The following GPC5 variants were observed in gnomAD, a reference collection of about 807,000 sequenced individuals.
The protein encoded by GPC5 is glypican 5, also known as glypican-5.
GPC5 carries 47 observed loss-of-function variants against 53.9 expected under a neutral mutation model. That is an observed-to-expected ratio of 0.87 (90% CI 0.69 to 1.11). The LOEUF (loss-of-function observed/expected upper bound fraction) is 1.11. Among genes scored for constraint, GPC5 ranks in the 50% most tolerant of loss-of-function variants. The pLI is 0.00. For missense variants in GPC5, 748 were observed against 713.1 expected, an observed-to-expected ratio of 1.05 and a Z score of -0.56; for synonymous variants, 286 against 263.3, an observed-to-expected ratio of 1.09 and a Z score of -0.84.
intron 6 of GPC5, among the ~76,000 whole-genome samples, chr13:92,043,082 GA>G (rs1211279985): frequency 3.3e-5 from 5 of 151,880 alleles, no homozygotes; most frequent in Non-Finnish European, 7.4e-5. Flanking sequence ...AGACAGAGAA[GA>G]AAAAACTATG....
intron 7 of GPC5, among the ~76,000 whole-genome samples, chr13:92,826,516 AGAT>A (rs1440831530): frequency 6.6e-6 from 1 of 152,176 alleles, no homozygotes; most frequent in Non-Finnish European, 1.5e-5. Flanking sequence ...ACAAACTGTG[AGAT>A]AATAAACCTG....
intron 5 of GPC5, among the ~76,000 whole-genome samples, chr13:91,904,701 T>C (rs548693681): frequency 7.2e-5 from 11 of 152,074 alleles, no homozygotes; most frequent in Admixed American, 1.3e-4. Context: ...CAAGAGGATT[T>C]TATTAAGGGA....
chr13:92,804,294 A>C lies in GPC5; in HGVS notation c.1562-61988A>C, dbSNP rs552458351. The stretch of plus-strand genomic sequence containing the variant: ...CAGCATCAGTATGTCTGGGTTTGGG[A>C]AAGAACTCTTTCATTTATTGGTTGT... On this transcript the variant is annotated intron_variant, in intron 7 of 7. Coordinates refer to ENST00000377067, the MANE Select transcript of GPC5 (RefSeq NM_004466.6). 4.6e-5 allele frequency among the ~76,000 whole-genome samples: 7 copies of C among 152,052 alleles called. No homozygotes were observed. The East Asian group carries it at 1.4e-3, about 30-fold the overall frequency.
intron 7 of GPC5, among the ~76,000 whole-genome samples, chr13:92,520,960 A>T (rs1881018889): frequency 6.6e-6 from 1 of 152,216 alleles, no homozygotes; most frequent in African/African-American, 2.4e-5. Context: ...ATGTGCAAAA[A>T]TCACAAGCAT....
intron 7 of GPC5, among the ~76,000 whole-genome samples, chr13:92,708,392 C>G (rs958313566): frequency 9.2e-5 from 14 of 152,132 alleles, no homozygotes; most frequent in African/African-American, 3.4e-4. Flanking sequence ...ACTACATACC[C>G]TCTTACTGCC....
At chr13:92,627,906 A>G (rs528239430) in intron 7 of GPC5, among the ~76,000 whole-genome samples, 1 of 152,342 alleles carries the variant, frequency 6.6e-6, no homozygotes, top group South Asian at 2.1e-4. Flanking sequence ...ATTGTAGCCA[A>G]TGGCATATAT....
At chr13:92,641,220 T>A (rs1036419450) in intron 7 of GPC5, among the ~76,000 whole-genome samples, 2 of 152,122 alleles carry the variant, frequency 1.3e-5, no homozygotes, top group African/African-American at 4.8e-5. Flanking sequence ...ACCTCACCAA[T>A]AAGAGGCATG....
intron 7 of GPC5, among the ~76,000 whole-genome samples, chr13:92,734,599 C>CAGTT (rs1489307614): frequency 6.6e-6 from 1 of 151,854 alleles, no homozygotes; most frequent in Non-Finnish European, 1.5e-5. Context: ...TGTATCACTT[C>CAGTT]AGTTATATGC....
chr13:92,792,650 G>T (rs1876506353), intron 7 of GPC5, among the ~76,000 whole-genome samples: 1 of 152,080 alleles, frequency 6.6e-6, no homozygotes, highest in Non-Finnish European at 1.5e-5. Context: ...CCCATCTCAT[G>T]TGCAGACACA....
chr13:92,104,617 C>G (rs1027457457), intron 6 of GPC5, among the ~76,000 whole-genome samples: 3 of 152,102 alleles, frequency 2.0e-5, no homozygotes, highest in Non-Finnish European at 4.4e-5. Context: ...AGAATCTAGT[C>G]TTAGTTGTCA....
intron 2 of GPC5, among the ~76,000 whole-genome samples, chr13:91,465,961 CTG>C (rs1882212285): frequency 6.6e-6 from 1 of 152,164 alleles, no homozygotes; most frequent in Non-Finnish European, 1.5e-5. Context: ...ATTATGAACA[CTG>C]AGATCTCACT....
In GPC5 at chr13:92,780,628, C is replaced by A. The variant is rs541839377; in HGVS notation, c.1562-85654C>A. On this transcript the variant is annotated intron_variant, in intron 7 of 7. Transcript: ENST00000377067. Reference sequence around the variant, plus strand: ...TGAGTCCAGACTTCAGTGTATAATCCAGATCCCAGATTATACCCACTTAGA... The same window carrying A: ...TGAGTCCAGACTTCAGTGTATAATCAAGATCCCAGATTATACCCACTTAGA... 8.6e-5 allele frequency among the ~76,000 whole-genome samples: 13 copies of A among 151,924 alleles called. 1 individual carries two copies. In the South Asian group the frequency reaches 1.9e-3, roughly 22 times the overall value.
Position 91,799,840 on chromosome 13 carries a change from C to A in GPC5, c.1280+43420C>A, listed in dbSNP as rs552048119. 4.5e-3 allele frequency among the ~76,000 whole-genome samples: 683 copies of A among 152,196 alleles called. 4 individuals are homozygous for A. The highest frequency in any genetic ancestry group is 0.016 in the African/African-American group (658 of 41,550). On this transcript the variant is annotated intron_variant, in intron 5 of 7. Coordinates refer to ENST00000377067, the MANE Select transcript of GPC5 (RefSeq NM_004466.6). Reference sequence around the variant, plus strand: ...TATATTTCAGTGTTCTACTGAAAACCAAACACAAACATGAATATTATTGCT... The same window carrying A: ...TATATTTCAGTGTTCTACTGAAAACAAAACACAAACATGAATATTATTGCT...
At chr13:91,967,264 C>G (rs868367049) in intron 6 of GPC5, among the ~76,000 whole-genome samples, 1 of 152,154 alleles carries the variant, frequency 6.6e-6, no homozygotes, top group Non-Finnish European at 1.5e-5. Context: ...TCAATTATCT[C>G]CCACTGGTTC....
At chr13:92,508,050 G>A (rs563098040) in intron 7 of GPC5, among the ~76,000 whole-genome samples, 12 of 152,070 alleles carry the variant, frequency 7.9e-5, no homozygotes, top group African/African-American at 2.2e-4. Context: ...TGCAATCTCC[G>A]CCTCCCAGGT....
intron 7 of GPC5, among the ~76,000 whole-genome samples, chr13:92,478,915 G>A (rs1879248037): frequency 6.6e-6 from 1 of 152,084 alleles, no homozygotes; most frequent in African/African-American, 2.4e-5. Context: ...TGATGGTGCT[G>A]GATTGAAGGC....
At chr13:91,628,928 T>G (rs535719911) in intron 2 of GPC5, among the ~76,000 whole-genome samples, 2 of 152,178 alleles carry the variant, frequency 1.3e-5, no homozygotes, top group South Asian at 4.1e-4. Flanking sequence ...TGTTGAAATA[T>G]ACACTGGGAT....
chr13:91,962,967 A>G (rs78640855), intron 6 of GPC5, among the ~76,000 whole-genome samples: 5,139 of 152,184 alleles, frequency 0.034, 307 homozygotes, highest in African/African-American at 0.12. Flanking sequence ...TCACTATTCC[A>G]TGTGCCTTAT....
intron 1 of GPC5, among the ~76,000 whole-genome samples, chr13:91,439,311 G>T (rs951941461): frequency 5.9e-5 from 9 of 152,216 alleles, no homozygotes; most frequent in Admixed American, 5.9e-4. Context: ...TAAGCATCTT[G>T]CTGGGTTCGA....
Sources: allele counts gnomAD v4.1 joint callset (sites outside exome capture counted in the v4.1 genomes callset), GRCh38; gene constraint gnomAD v4.1.1; transcripts MANE v1.5; gene names NCBI Gene and HGNC (gene_info 2026-07-23, HGNC 2026-07-21).